Variants in WDPCP observed in about 807,000 individuals in gnomAD.
WDPCP encodes the protein WD repeat-containing and planar cell polarity effector protein fritz homolog.
In WDPCP, 71 loss-of-function variants were observed where a neutral mutation model predicts 93.1. That is an observed-to-expected ratio of 0.76 (90% CI 0.63 to 0.93). WDPCP has a LOEUF of 0.93. Ranked by LOEUF, WDPCP falls within the 40% of genes least tolerant of loss-of-function variation. WDPCP has a pLI of 0.00. For synonymous variants in WDPCP, 315 were observed against 315.0 expected (o/e 1.00, Z 0.00); for missense variants, 844 against 887.4 (o/e 0.95, Z 0.62).
At chr2:63,702,650 T>C (rs978480988) in intron 2 of WDPCP, among the ~76,000 whole-genome samples, 2 of 151,708 alleles carry the variant, frequency 1.3e-5, no homozygotes, top group Non-Finnish European at 2.9e-5. Context: ...ACCATTCTCC[T>C]GCCTCAGCCT....
chr2:63,123,685 A>C (rs1026849210), intron 17 of WDPCP, among the ~76,000 whole-genome samples: 3 of 152,174 alleles, frequency 2.0e-5, no homozygotes, highest in African/African-American at 7.2e-5. Flanking sequence ...TTTATTTTAC[A>C]TTCAAGTTTT....
intron 3 of WDPCP, among the ~76,000 whole-genome samples, chr2:63,648,271 C>T (rs1274285938): frequency 6.6e-6 from 1 of 152,154 alleles, no homozygotes; most frequent in Non-Finnish European, 1.5e-5. Context: ...CACTCTAACT[C>T]CAATTTATCT....
At chr2:63,188,179 A>G (rs557332913) in intron 14 of WDPCP, among the ~76,000 whole-genome samples, 1 of 152,098 alleles carries the variant, frequency 6.6e-6, no homozygotes, top group Non-Finnish European at 1.5e-5. Context: ...CTTCAGGTTT[A>G]TCATAGTTGG....
intron 12 of WDPCP, among the ~76,000 whole-genome samples, chr2:63,318,229 C>A (rs1686811920): frequency 6.6e-6 from 1 of 152,104 alleles, no homozygotes; most frequent in Non-Finnish European, 1.5e-5. Context: ...CATCTCATAA[C>A]CAGTCAGAAT....
chr2:63,820,529 G>A (rs535874251), intron 1 of WDPCP, among the ~76,000 whole-genome samples: 15 of 152,250 alleles, frequency 9.9e-5, no homozygotes, highest in Non-Finnish European at 1.8e-4. Flanking sequence ...ATGTACTTTG[G>A]CAGACAGTCT....
At chr2:63,483,561 T>G (rs1481491403) in intron 6 of WDPCP, among the ~76,000 whole-genome samples, 1 of 151,876 alleles carries the variant, frequency 6.6e-6, no homozygotes, top group Non-Finnish European at 1.5e-5. Context: ...ACAAAAATGA[T>G]AGTATATATA....
At chr2:63,617,268 T>G (rs1373525290) in intron 3 of WDPCP, among the ~76,000 whole-genome samples, 1 of 152,214 alleles carries the variant, frequency 6.6e-6, no homozygotes, top group Non-Finnish European at 1.5e-5. Flanking sequence ...ATTTTCAAAA[T>G]TATCTTGAAC....
At chr2:63,341,734 T>G (rs1304933376) in intron 12 of WDPCP, among the ~76,000 whole-genome samples, 3 of 152,228 alleles carry the variant, frequency 2.0e-5, no homozygotes, top group Admixed American at 6.5e-5. Context: ...GCACACATGT[T>G]AAATATGTAA....
At chr2:63,614,060 T>C (rs1709647077) in intron 3 of WDPCP, among the ~76,000 whole-genome samples, 2 of 152,202 alleles carry the variant, frequency 1.3e-5, no homozygotes, top group Admixed American at 6.5e-5. Context: ...ACAGGGAAGT[T>C]CTGACCGTCA....
At chr2:63,337,618 C>T (rs1376705478) in intron 12 of WDPCP, among the ~76,000 whole-genome samples, 2 of 152,198 alleles carry the variant, frequency 1.3e-5, no homozygotes, top group Admixed American at 6.5e-5. Flanking sequence ...TTTACATTCT[C>T]ACCAACGGTG....
chr2:63,600,306 A>G (rs1228893434), intron 3 of WDPCP, among the ~76,000 whole-genome samples: 4 of 152,178 alleles, frequency 2.6e-5, no homozygotes, highest in Non-Finnish European at 4.4e-5. Flanking sequence ...CCATATGGGT[A>G]TCTCATATTA....
chr2:63,484,842 G>T, intron 5 of WDPCP, 75 bp downstream of exon 5: 1 of 1,547,966 alleles, frequency 6.5e-7, no homozygotes, highest in South Asian at 1.1e-5. Context: ...GATCCTTTAT[G>T]AAAATTAAAG....
intron 1 of WDPCP, among the ~76,000 whole-genome samples, chr2:63,534,320 A>ATTG (rs1704096809): frequency 6.6e-6 from 1 of 152,224 alleles, no homozygotes; most frequent in South Asian, 2.1e-4. Context: ...AAACTATTCC[A>ATTG]ATCAATAGAA....
chr2:63,149,838 C>T (rs1176232846), intron 17 of WDPCP, among the ~76,000 whole-genome samples: 2 of 152,028 alleles, frequency 1.3e-5, no homozygotes, highest in Non-Finnish European at 2.9e-5. Flanking sequence ...CCTGTCTCTA[C>T]AAAAAGCCCA....
chr2:63,176,862 T>G (rs966184606), intron 14 of WDPCP, among the ~76,000 whole-genome samples: 26 of 152,326 alleles, frequency 1.7e-4, no homozygotes, highest in African/African-American at 6.0e-4. Flanking sequence ...TTTTCTCTAA[T>G]GTTTTCTTCT....
intron 8 of WDPCP, among the ~76,000 whole-genome samples, chr2:63,436,168 G>C (rs1558632659): frequency 6.6e-6 from 1 of 152,046 alleles, no homozygotes; most frequent in Non-Finnish European, 1.5e-5. Flanking sequence ...TAAATAAACA[G>C]TATTTCAAGT....
rs77552340 is a variant in WDPCP at position 63,523,266 on chromosome 2, T to A, written c.76-30326A>T. On this transcript the variant is annotated intron_variant, in intron 1 of 17. Transcript: ENST00000272321. Reference sequence around the variant, plus strand: ...CCATAAAAGTCAACATACCTTCATGTTAAAAACTCTCAACAAACTAGGCAT... The same window carrying A: ...CCATAAAAGTCAACATACCTTCATGATAAAAACTCTCAACAAACTAGGCAT... Among the ~76,000 whole-genome samples, 567 of 152,190 alleles carry A rather than the reference T, an allele frequency of 3.7e-3. 3 individuals carry two copies. Among genetic ancestry groups the A allele is most frequent in the Non-Finnish European group, 6.5e-3 (445 of 68,000 alleles).
At chr2:63,722,671 C>T (rs1212963684) in intron 2 of WDPCP, among the ~76,000 whole-genome samples, 2 of 134,596 alleles carry the variant, frequency 1.5e-5, no homozygotes, top group African/African-American at 5.6e-5. Flanking sequence ...GGGGGGTCAG[C>T]CCCCCGCCCG....
At chr2:63,812,675 C>T (rs1457477853) in intron 2 of WDPCP, among the ~76,000 whole-genome samples, 1 of 152,122 alleles carries the variant, frequency 6.6e-6, no homozygotes, top group Non-Finnish European at 1.5e-5. Context: ...GTGCCTGTGA[C>T]TCCTGACCCA....
Sources: allele counts gnomAD v4.1 joint callset (sites outside exome capture counted in the v4.1 genomes callset), GRCh38; gene constraint gnomAD v4.1.1; transcripts MANE v1.5; gene names NCBI Gene and HGNC (gene_info 2026-07-23, HGNC 2026-07-21).